SDC2: variants seen among roughly 807,000 people sequenced by gnomAD.
SDC2 encodes the protein syndecan 2.
SDC2 carries 13 observed loss-of-function variants against 22.2 expected under a neutral mutation model. The ratio of observed to expected loss-of-function variants is 0.59; its 90% CI spans 0.38 to 0.93. The LOEUF (loss-of-function observed/expected upper bound fraction) is 0.93, where lower values mean the gene tolerates loss of function less well. Among genes scored for constraint, SDC2 ranks in the 40% least tolerant of loss-of-function variants. SDC2 has a pLI of 0.00. For missense variants in SDC2, 235 were observed against 246.8 expected (o/e 0.95, Z 0.32); for synonymous variants, 94 against 92.8 (o/e 1.01, Z -0.07).
At chr8:96,599,362 G>A (rs1814937810) in intron 2 of SDC2, among the ~76,000 whole-genome samples, 1 of 152,116 alleles carries the variant, frequency 6.6e-6, no homozygotes, top group Admixed American at 6.5e-5. Flanking sequence ...TGTGAAACAA[G>A]AGGGTCTTTA....
intron 1 of SDC2, among the ~76,000 whole-genome samples, chr8:96,502,626 T>A (rs778771752): frequency 6.6e-6 from 1 of 152,156 alleles, no homozygotes; most frequent in Non-Finnish European, 1.5e-5. Flanking sequence ...CTAGAGCACT[T>A]GAGCCTGGTC....
chr8:96,558,902 A>G (rs1814164035), intron 1 of SDC2, among the ~76,000 whole-genome samples: 1 of 152,210 alleles, frequency 6.6e-6, no homozygotes, highest in Admixed American at 6.5e-5. Flanking sequence ...GATGCACGGT[A>G]GTAAAGAACC....
At chr8:96,544,947 A>G (rs1171464318) in intron 1 of SDC2, among the ~76,000 whole-genome samples, 6 of 152,196 alleles carry the variant, frequency 3.9e-5, no homozygotes, top group African/African-American at 1.4e-4. Flanking sequence ...CCTACCATTT[A>G]GTTAAATTGC....
intron 1 of SDC2, among the ~76,000 whole-genome samples, chr8:96,555,115 T>C (rs536040372): frequency 5.9e-5 from 9 of 152,146 alleles, no homozygotes; most frequent in Admixed American, 3.9e-4. Flanking sequence ...TTTGTGGCAC[T>C]TGAGTGGCTT....
In SDC2 at chr8:96,587,514, A is replaced by C. The variant is rs554422157; in HGVS notation, c.61-5966A>C. On this transcript the variant is annotated intron_variant, in intron 1 of 4. Coordinates refer to ENST00000302190, the MANE Select transcript of SDC2 (RefSeq NM_002998.4). Reference sequence around the variant, plus strand: ...ACAAAGGGCTCTTTCCTTCTGTTACATTTTTAGTTTGCATGGGTCACCTGC... The same window carrying C: ...ACAAAGGGCTCTTTCCTTCTGTTACCTTTTTAGTTTGCATGGGTCACCTGC... 3.3e-5 allele frequency among the ~76,000 whole-genome samples: 5 copies of C among 152,294 alleles called. No individual in the cohort carries two copies. In the South Asian group the frequency reaches 1.0e-3, roughly 32 times the overall value.
intron 1 of SDC2, chr8:96,580,394 A>G (rs2130603604): frequency 2.0e-6 from 2 of 985,462 alleles, no homozygotes; most frequent in South Asian, 9.4e-5. Context: ...GTCCAGTCAA[A>G]GGGATAATGC....
chr8:96,589,386 T>TTTTGTTTG (rs142470441), intron 1 of SDC2, among the ~76,000 whole-genome samples: 1 of 150,714 alleles, frequency 6.6e-6, no homozygotes, highest in Non-Finnish European at 1.5e-5. Flanking sequence ...AGGACTTTTG[T>TTTTGTTTG]TTTGTTTGTT....
At chr8:96,596,312 T>C (rs1349517317) in intron 2 of SDC2, among the ~76,000 whole-genome samples, 1 of 152,168 alleles carries the variant, frequency 6.6e-6, no homozygotes, top group Non-Finnish European at 1.5e-5. Context: ...CACCCCAGGG[T>C]TTGGCCAGTG....
chr8:96,517,098 A>C (rs1431150945), intron 1 of SDC2, among the ~76,000 whole-genome samples: 1 of 152,110 alleles, frequency 6.6e-6, no homozygotes, highest in Non-Finnish European at 1.5e-5. Context: ...CATCCTCATC[A>C]ATATTTATTA....
At chr8:96,571,324 G>A (rs1814390943) in intron 1 of SDC2, among the ~76,000 whole-genome samples, 1 of 152,182 alleles carries the variant, frequency 6.6e-6, no homozygotes, top group Non-Finnish European at 1.5e-5. Flanking sequence ...GGCTGCAAAG[G>A]CCCTGGAGTG....
At chr8:96,536,015 G>A (rs1312438803) in intron 1 of SDC2, among the ~76,000 whole-genome samples, 1 of 152,194 alleles carries the variant, frequency 6.6e-6, no homozygotes, top group South Asian at 2.1e-4. Context: ...GTGTATGTCA[G>A]CCCACTAACA....
rs1353013749 is a variant in SDC2, at chr8:96,602,751, AT to A, written c.306+227del. On this transcript the variant is annotated intron_variant, in intron 3 of 4. Coordinates refer to ENST00000302190, the MANE Select transcript of SDC2 (RefSeq NM_002998.4). Reference sequence around the variant, plus strand: ...TGGCTCTTCCTTACTCTTTTTGATCATTTTGGCATTTACCCACTTATAATCT... The same window carrying A: ...TGGCTCTTCCTTACTCTTTTTGATCATTTGGCATTTACCCACTTATAATCT... 2.0e-5 allele frequency among the ~76,000 whole-genome samples: 3 copies of A among 152,190 alleles called. No homozygotes were observed. The South Asian group carries it at 6.2e-4, about 32-fold the overall frequency.
At chr8:96,537,951 T>TG (rs1813780608) in intron 1 of SDC2, among the ~76,000 whole-genome samples, 2 of 75,656 alleles carry the variant, frequency 2.6e-5, no homozygotes, top group Non-Finnish European at 7.8e-5. Flanking sequence ...TATGTTTTGT[T>TG]TTTTGTTTGT....
chr8:96,601,641 A>AAC (rs34620057), intron 2 of SDC2, among the ~76,000 whole-genome samples: 2 of 86,080 alleles, frequency 2.3e-5, no homozygotes, highest in Non-Finnish European at 5.1e-5. Flanking sequence ...CTCCATCTCC[A>AAC]AAAAAAAAAA....
intron 1 of SDC2, among the ~76,000 whole-genome samples, chr8:96,584,618 T>C (rs1256308090): frequency 6.6e-6 from 1 of 152,222 alleles, no homozygotes; most frequent in Non-Finnish European, 1.5e-5. Context: ...TCTCCAGCAC[T>C]TGGAGCTTTT....
At chr8:96,558,819 A>ATGTGTATG in intron 1 of SDC2, among the ~76,000 whole-genome samples, 1 of 151,628 alleles carries the variant, frequency 6.6e-6, no homozygotes, top group South Asian at 2.1e-4. Flanking sequence ...ACATTTGAAT[A>ATGTGTATG]TGTGTGTGTG....
intron 1 of SDC2, among the ~76,000 whole-genome samples, chr8:96,581,913 C>T (rs1263228592): frequency 1.3e-5 from 2 of 152,182 alleles, no homozygotes; most frequent in Admixed American, 6.5e-5. Flanking sequence ...TACTCATATA[C>T]AGCACTTCAG....
chr8:96,580,416 C>G (rs901605524), intron 1 of SDC2: 1 of 985,276 alleles, frequency 1.0e-6, no homozygotes, highest in African/African-American at 1.7e-5. Context: ...ACCGATAGCT[C>G]CCAAGCCTCC....
intron 1 of SDC2, among the ~76,000 whole-genome samples, chr8:96,542,345 A>C (rs114936594): frequency 6.6e-6 from 1 of 152,196 alleles, no homozygotes; most frequent in Non-Finnish European, 1.5e-5. Flanking sequence ...AATTCAGAGA[A>C]GATGTGGGCT....
Sources: allele counts gnomAD v4.1 joint callset (sites outside exome capture counted in the v4.1 genomes callset), GRCh38; gene constraint gnomAD v4.1.1; transcripts MANE v1.5; gene names NCBI Gene and HGNC (gene_info 2026-07-23, HGNC 2026-07-21).